The following LSM3 variants were observed in gnomAD, a reference collection of about 807,000 sequenced individuals.
The protein encoded by LSM3 is LSM3 homolog, U6 small nuclear RNA and mRNA degradation associated.
In LSM3, 14 loss-of-function variants were observed where a neutral mutation model predicts 15.4. The ratio of observed to expected loss-of-function variants is 0.91; its 90% confidence interval spans 0.60 to 1.42. The LOEUF (loss-of-function observed/expected upper bound fraction) is 1.42. LSM3 is among the 40% of genes most tolerant of loss of function. LSM3 has a pLI of 0.00. For synonymous variants in LSM3, 46 were observed against 45.1 expected (o/e 1.02, Z -0.08); for missense variants, 88 against 127.9 (o/e 0.69, Z 1.50).
rs1697205287 is a variant in LSM3 at position 14,198,427 on chromosome 3, T to G, written c.*311T>G. On this transcript the variant is annotated 3_prime_UTR_variant, in exon 4 of 4. Transcript: ENST00000306024. The stretch of plus-strand genomic sequence containing the variant: ...TTTTCTTTAAATTGGTGTTTCCTTG[T>G]AGATTTTTTTAAGTGCGGTCTTCTG... The G allele has an allele frequency of 9.2e-6, 3 of 327,626 alleles. No individual in the cohort carries two copies. In the South Asian group the frequency reaches 1.5e-4, roughly 16 times the overall value. The allele number at this position is 327,626 out of a possible 1,614,324, so 20.3% of individuals were successfully genotyped here. A position where few individuals can be genotyped will look rare whatever the true frequency, so the allele number is the denominator to read the frequency against.
rs544650442 is a variant in LSM3 at position 14,182,801 on chromosome 3, C to T, written c.132+1131C>T. Reference sequence around the variant, plus strand: ...TATTCCTGCTTTGCAGTGTAGGAAGCTCAGGCTCAGAAAGGTACAGTCACT... The same window carrying T: ...TATTCCTGCTTTGCAGTGTAGGAAGTTCAGGCTCAGAAAGGTACAGTCACT... On this transcript the variant is annotated intron_variant, in intron 2 of 3. Coordinates refer to ENST00000306024, the MANE Select transcript of LSM3 (RefSeq NM_014463.3). 2.6e-5 allele frequency among the ~76,000 whole-genome samples: 4 copies of T among 152,310 alleles called. No homozygotes were observed. In the South Asian group the frequency reaches 8.3e-4, roughly 32 times the overall value.
At chr3:14,189,824 G>A (rs1408777487) in intron 3 of LSM3, among the ~76,000 whole-genome samples, 1 of 152,092 alleles carries the variant, frequency 6.6e-6, no homozygotes, top group Non-Finnish European at 1.5e-5. Context: ...TGTCAATTTT[G>A]GCTTTTGTTG....
chr3:14,184,169 A>G (rs1008717060), intron 3 of LSM3, 137 bp downstream of exon 3: 149 of 1,175,062 alleles, frequency 1.3e-4, no homozygotes, highest in Non-Finnish European at 1.6e-4. Context: ...ATTAAAAGCA[A>G]GGGTTCTGGC....
intron 3 of LSM3, 45 bp downstream of exon 3, chr3:14,184,077 T>C (rs756473509): frequency 5.1e-6 from 8 of 1,573,204 alleles, no homozygotes; most frequent in Non-Finnish European, 6.9e-6. Context: ...TATCAGCTGT[T>C]CTCTCTCGAA....
chr3:14,179,671 G>A (rs1165105307), intron 1 of LSM3, among the ~76,000 whole-genome samples: 2 of 152,172 alleles, frequency 1.3e-5, no homozygotes, highest in East Asian at 3.8e-4. Flanking sequence ...AATGCCATAA[G>A]AGCAGGGATT....
chr3:14,183,177 T>C (rs1485745685), intron 2 of LSM3, among the ~76,000 whole-genome samples: 1 of 152,248 alleles, frequency 6.6e-6, no homozygotes, highest in Non-Finnish European at 1.5e-5. Context: ...ATCTTGTTAG[T>C]GTGCCCTGCT....
intron 3 of LSM3, among the ~76,000 whole-genome samples, chr3:14,195,447 A>G (rs1230808827): frequency 8.0e-6 from 1 of 124,338 alleles, no homozygotes; most frequent in Non-Finnish European, 1.9e-5. Flanking sequence ...CCTGTGAGCA[A>G]AGGGCTTTAA....
intron 3 of LSM3, among the ~76,000 whole-genome samples, chr3:14,192,916 G>A (rs1417696849): frequency 6.6e-6 from 1 of 152,166 alleles, no homozygotes; most frequent in African/African-American, 2.4e-5. Flanking sequence ...GGCTGGTATT[G>A]GTTGTTCCTT....
At chr3:14,196,052 A>G (rs1697184386) in intron 3 of LSM3, among the ~76,000 whole-genome samples, 1 of 150,422 alleles carries the variant, frequency 6.6e-6, no homozygotes, top group African/African-American at 2.5e-5. Context: ...TCCCAGGTTC[A>G]CGCCATTCTC....
At position 14,200,214 on chromosome 3, in the gene LSM3, G is replaced by A. The variant is rs1697222056; in HGVS notation, c.*2098G>A. The A allele has an allele frequency of 6.6e-6, 1 of 152,214 alleles. No homozygotes were observed. The highest frequency in any genetic ancestry group is 1.9e-4 in the East Asian group (1 of 5,196). 9.4% of individuals were successfully genotyped at this position (152,214 alleles called of 1,614,324 possible). On this transcript the variant is annotated 3_prime_UTR_variant, in exon 4 of 4. Coordinates refer to ENST00000306024, the MANE Select transcript of LSM3 (RefSeq NM_014463.3). ...ACCTACTTCATTTCCTAGCTGCTAA[G>A]ATACAAGGGGAGGGACAATAAAAGG...
chr3:14,179,523 T>A (rs1696992232), intron 1 of LSM3, among the ~76,000 whole-genome samples: 1 of 152,208 alleles, frequency 6.6e-6, no homozygotes, highest in South Asian at 2.1e-4. Flanking sequence ...AAATCTGACC[T>A]CCTCAGAGAG....
intron 3 of LSM3, among the ~76,000 whole-genome samples, chr3:14,185,850 A>G (rs576291378): frequency 6.6e-6 from 1 of 152,074 alleles, no homozygotes; most frequent in Non-Finnish European, 1.5e-5. Flanking sequence ...ATGCAGATTC[A>G]TTTTATTTCT....
At position 14,181,475 on chromosome 3, in the gene LSM3, C is replaced by G. The variant is rs1330402702; in HGVS notation, c.22-85C>G. On this transcript the variant is annotated intron_variant, in intron 1 of 3. Coordinates refer to ENST00000306024, the MANE Select transcript of LSM3 (RefSeq NM_014463.3). ...ACTGAGGCAGAAAAAGGTTAAATAA[C>G]TTGCCCATGGTCACACAGCATAGCA... 7 of 829,594 alleles carry G rather than the reference C, an allele frequency of 8.4e-6. No homozygotes were observed. The East Asian group carries it at 1.2e-4, about 15-fold the overall frequency. 51.4% of individuals were successfully genotyped at this position (829,594 alleles called of 1,614,324 possible).
At position 14,181,612 on chromosome 3, in the gene LSM3, T is replaced by C. The variant is rs1697039494; in HGVS notation, c.74T>C (p.Leu25Pro). 2 of 1,613,998 alleles carry C rather than the reference T, an allele frequency of 1.2e-6. No homozygotes were observed. The highest frequency in any genetic ancestry group is 4.5e-5 in the East Asian group (2 of 44,862). Residue 25 changes from leucine (L) to proline (P), a missense_variant, in exon 2 of 4, where the codon CTA becomes CCA. Leu to Pro is a moderately conservative substitution (Grantham distance 98, BLOSUM62 -3). Transcript: ENST00000306024. The stretch of plus-strand genomic sequence containing the variant: ...CCCCTGGATCTTATCAGGCTCAGCC[T>C]AGATGAGCGAATTTATGTGAAAATG... The part of the protein sequence containing the change: ...EEPLDLIRLS[L>P]DERIYVKMRN...
At chr3:14,181,742 G>A in intron 2 of LSM3, 72 bp downstream of exon 2, 3 of 1,096,928 alleles carry the variant, frequency 2.7e-6, no homozygotes, top group South Asian at 2.5e-5. Context: ...TGTAAAACCT[G>A]TCCAGAGTGA....
intron 3 of LSM3, among the ~76,000 whole-genome samples, chr3:14,194,113 C>G (rs1697166634): frequency 6.6e-6 from 1 of 152,224 alleles, no homozygotes; most frequent in Admixed American, 6.5e-5. Context: ...AAGATTGCTG[C>G]CTGTTTTTTC....
chr3:14,185,184 C>T (rs540488774), intron 3 of LSM3, among the ~76,000 whole-genome samples: 1 of 152,148 alleles, frequency 6.6e-6, no homozygotes, highest in South Asian at 2.1e-4. Context: ...AACCCTGTCT[C>T]TACTAAAAAT....
intron 2 of LSM3, 44 bp from the exon 3 acceptor site, chr3:14,183,893 A>G (rs761268673): frequency 1.4e-6 from 2 of 1,429,770 alleles, no homozygotes; most frequent in South Asian, 2.6e-5. Flanking sequence ...TCATTTTTGT[A>G]ATTTGATTAT....
chr3:14,184,713 C>T (rs1463120389), intron 3 of LSM3, among the ~76,000 whole-genome samples: 6 of 145,808 alleles, frequency 4.1e-5, no homozygotes, highest in Admixed American at 2.1e-4. Flanking sequence ...GCCGAGATCC[C>T]GCCACTGCAC....
Sources: allele counts gnomAD v4.1 joint callset (sites outside exome capture counted in the v4.1 genomes callset), GRCh38; gene constraint gnomAD v4.1.1; transcripts MANE v1.5; gene names NCBI Gene and HGNC (gene_info 2026-07-23, HGNC 2026-07-21).